Variants in NFIC observed in about 807,000 individuals in gnomAD.
NFIC encodes nuclear factor I C, also known as nuclear factor 1 C-type.
In NFIC, 12 loss-of-function variants were observed where a neutral mutation model predicts 54.4. The observed-to-expected ratio is 0.22, with a 90% CI of 0.14 to 0.36. NFIC has a LOEUF of 0.36. Ranked by LOEUF, NFIC falls within the 10% of genes least tolerant of loss-of-function variation. The probability of loss-of-function intolerance (pLI) is 1.00; values close to 1 mark genes in which losing one functional copy is unlikely to be tolerated. For missense variants in NFIC, 575 were observed against 718.2 expected (o/e 0.80, Z 2.28); for synonymous variants, 322 against 319.2 (o/e 1.01, Z -0.09).
intron 1 of NFIC, among the ~76,000 whole-genome samples, chr19:3,372,310 C>T (rs1157599742): frequency 3.9e-5 from 6 of 152,122 alleles, no homozygotes; most frequent in Non-Finnish European, 8.8e-5. Context: ...CATGAGCCAC[C>T]GTGCCCGGCC....
At position 3,463,656 on chromosome 19, in the gene NFIC, C is replaced by G. The variant is rs537656722; in HGVS notation, c.*887C>G. 32 of 979,532 alleles carry G rather than the reference C, an allele frequency of 3.3e-5. No individual in the cohort carries two copies. The highest frequency in any genetic ancestry group is 6.2e-5 in the Admixed American group (1 of 16,150). The allele number at this position is 979,532 out of a possible 1,614,324, so 60.7% of individuals were successfully genotyped here. On this transcript the variant is annotated 3_prime_UTR_variant, in exon 11 of 11. Transcript: ENST00000443272. The stretch of plus-strand genomic sequence containing the variant: ...CCCCACCCCCGGCATAGGAGGCCCC[C>G]CCACCTCGCCCGGCTCACACCCCCA...
chr19:3,362,905 G>A (rs1422182754), upstream of NFIC, among the ~76,000 whole-genome samples: 1 of 152,046 alleles, frequency 6.6e-6, no homozygotes, highest in African/African-American at 2.4e-5. Flanking sequence ...TACCATGGGG[G>A]GCTGGGGGTT....
intron 2 of NFIC, among the ~76,000 whole-genome samples, chr19:3,400,889 G>A (rs966358099): frequency 5.3e-5 from 8 of 152,268 alleles, no homozygotes; most frequent in African/African-American, 1.4e-4. Context: ...TCAGTTTAGC[G>A]ATAAGGACTA....
chr19:3,433,703 G>A, intron 4 of NFIC, 111 bp downstream of exon 4: 1 of 1,200,506 alleles, frequency 8.3e-7, no homozygotes, highest in Admixed American at 2.0e-5. Flanking sequence ...ACAACCCCCT[G>A]TGTCACTAAG....
chr19:3,464,689 G>T lies in NFIC; in HGVS notation c.*1920G>T. On this transcript the variant is annotated 3_prime_UTR_variant, in exon 11 of 11. Coordinates refer to ENST00000443272, the MANE Select transcript of NFIC (RefSeq NM_001245002.2). Reference sequence around the variant, plus strand: ...AAAACCAGACTCTCCTCCCAAACTAGCCTCAGGAGCTTGGCGAACCCGCTC... The same window carrying T: ...AAAACCAGACTCTCCTCCCAAACTATCCTCAGGAGCTTGGCGAACCCGCTC... The T allele has an allele frequency of 1.0e-6, 1 of 984,674 alleles. No homozygotes were observed. Among genetic ancestry groups the T allele is most frequent in the Non-Finnish European group, 1.2e-6 (1 of 830,016 alleles). The allele number at this position is 984,674 out of a possible 1,614,324, so 61.0% of individuals were successfully genotyped here. A position where few individuals can be genotyped will look rare whatever the true frequency, so the allele number is the denominator to read the frequency against.
At chr19:3,412,676 A>G (rs994054049) in intron 2 of NFIC, among the ~76,000 whole-genome samples, 4 of 152,206 alleles carry the variant, frequency 2.6e-5, no homozygotes, top group Admixed American at 6.6e-5. Flanking sequence ...TGTCAGCCCC[A>G]GCCAAGGATG....
intron 1 of NFIC, among the ~76,000 whole-genome samples, chr19:3,373,285 A>C (rs2081053459): frequency 6.6e-6 from 1 of 152,112 alleles, no homozygotes; most frequent in South Asian, 2.1e-4. Context: ...GCACAGAGGG[A>C]AGTAGGGGAC....
chr19:3,386,149 G>A (rs1298311924), intron 2 of NFIC, among the ~76,000 whole-genome samples: 1 of 151,726 alleles, frequency 6.6e-6, no homozygotes, highest in African/African-American at 2.4e-5. Context: ...CACTTTGGGA[G>A]GCCAAGGCAG....
At chr19:3,424,520 G>A (rs1013689469) in intron 2 of NFIC, among the ~76,000 whole-genome samples, 2 of 152,018 alleles carry the variant, frequency 1.3e-5, no homozygotes, top group Admixed American at 1.3e-4. Flanking sequence ...GGGATTACAG[G>A]TACGCATCAC....
upstream of NFIC, among the ~76,000 whole-genome samples, chr19:3,361,847 T>TACAC (rs57358755): frequency 1.3e-5 from 2 of 150,814 alleles, no homozygotes; most frequent in African/African-American, 2.4e-5. Context: ...CAGTCATAGT[T>TACAC]ACACACACAC....
chr19:3,361,787 G>C (rs900961918), upstream of NFIC, among the ~76,000 whole-genome samples: 2 of 152,022 alleles, frequency 1.3e-5, no homozygotes, highest in Non-Finnish European at 2.9e-5. Flanking sequence ...ACACGGCATG[G>C]CCCTCTGTCC....
chr19:3,435,547 G>A (rs72974768), intron 6 of NFIC, among the ~76,000 whole-genome samples: 6,128 of 152,278 alleles, frequency 0.04, 212 homozygotes, highest in Middle Eastern at 0.061. Flanking sequence ...GCCTCTTCCT[G>A]GGATCTGTCA....
intron 10 of NFIC, among the ~76,000 whole-genome samples, chr19:3,461,169 G>A (rs2082632444): frequency 6.6e-6 from 1 of 150,774 alleles, no homozygotes; most frequent in Non-Finnish European, 1.5e-5. Flanking sequence ...CAAGGCAGCT[G>A]ATGTGGTGGC....
upstream of NFIC, among the ~76,000 whole-genome samples, chr19:3,364,799 G>C (rs1431932169): frequency 6.6e-6 from 1 of 152,210 alleles, no homozygotes; most frequent in African/African-American, 2.4e-5. Context: ...TCTAGGAGGA[G>C]TGTCTGAAGT....
rs547784526 is a variant in NFIC, at chr19:3,453,906, G to A, written c.1413G>A (p.Pro471=). The A allele has an allele frequency of 2.4e-5, 37 of 1,541,328 alleles. No homozygotes were observed. In the African/African-American group the frequency reaches 2.8e-4, roughly 12 times the overall value. ...ATTSEGGATS[P]TSPSYSPPDT... is the part of the protein sequence containing the mutation. ...CCTCCGAGGGAGGAGCCACGTCGCC[G>A]ACCTCGCCTTGTAAGCACGCGGGAA... is the stretch of plus-strand genomic sequence containing the variant. The change falls in exon 9 of 11, where the codon CCG becomes CCA. Residue 471 remains proline, a synonymous_variant. Coordinates refer to ENST00000443272, the MANE Select transcript of NFIC (RefSeq NM_001245002.2). The surrounding 1 kb of genome is among the most constrained non-coding windows in gnomAD (Gnocchi z 6.7).
rs976653324 is a variant in NFIC at position 3,453,458 on chromosome 19, G to A, written c.1270-305G>A. ...AAAAACGCGGAGAACCTGCTGTTAGGAGGCGGTGGCACTGTTTGGAAGGAA... is the reference window on the plus strand; with the variant it reads ...AAAAACGCGGAGAACCTGCTGTTAGAAGGCGGTGGCACTGTTTGGAAGGAA... On this transcript the variant is annotated intron_variant, in intron 8 of 10. Coordinates refer to ENST00000443272, the MANE Select transcript of NFIC (RefSeq NM_001245002.2). The surrounding 1 kb of genome is among the most constrained non-coding windows in gnomAD (Gnocchi z 6.7). Among the ~76,000 whole-genome samples, 1 of 152,214 alleles carries A rather than the reference G, an allele frequency of 6.6e-6. No individual in the cohort carries two copies. The highest frequency in any genetic ancestry group is 1.5e-5 in the Non-Finnish European group (1 of 68,036).
rs59788026 is a variant in NFIC at position 3,438,429 on chromosome 19, C to CTT, written c.958+3241_958+3242dup. On this transcript the variant is annotated intron_variant, in intron 6 of 10. Coordinates refer to ENST00000443272, the MANE Select transcript of NFIC (RefSeq NM_001245002.2). ...CAAACTCACTCCCTCCTGAGGGTTT[C>CTT]TTTTTTTTTTTTTTTTTTTTCTTTT... 3.5e-3 allele frequency among the ~76,000 whole-genome samples: 435 copies of CTT among 124,058 alleles called. 5 individuals carry two copies. Among genetic ancestry groups the CTT allele is most frequent in the South Asian group, 9.3e-3 (36 of 3,864 alleles). The allele number at this position is 124,058 out of a possible 152,430, so 81.4% of individuals were successfully genotyped here.
At chr19:3,408,293 C>G (rs1428030830) in intron 2 of NFIC, among the ~76,000 whole-genome samples, 1 of 152,174 alleles carries the variant, frequency 6.6e-6, no homozygotes, top group African/African-American at 2.4e-5. Flanking sequence ...GTCCTTCCTA[C>G]AGCCAAAAGA....
At chr19:3,395,192 C>G (rs1403465693) in intron 2 of NFIC, among the ~76,000 whole-genome samples, 1 of 152,102 alleles carries the variant, frequency 6.6e-6, no homozygotes, top group African/African-American at 2.4e-5. Flanking sequence ...AACCCCATCT[C>G]TACTAAAAAT....
Sources: gnomAD v4.1 joint callset for allele counts (sites outside exome capture counted in the v4.1 genomes callset) on GRCh38, gnomAD v4.1.1 for gene constraint, Gnocchi (gnomAD v3.1) non-coding constraint, MANE v1.5 for transcripts, NCBI Gene and HGNC (gene_info 2026-07-23, HGNC 2026-07-21) for gene names.